The following ANKRD33B variants were observed in gnomAD, a reference collection of about 807,000 sequenced individuals.
ANKRD33B encodes the protein ankyrin repeat domain 33B, also known as ankyrin repeat domain-containing protein 33B.
A neutral mutation model predicts 21.5 loss-of-function variants in ANKRD33B; 6 were observed. The observed-to-expected ratio is 0.28, with a 90% confidence interval of 0.15 to 0.55. The LOEUF (loss-of-function observed/expected upper bound fraction) is 0.55. ANKRD33B is among the 20% of genes least tolerant of loss of function. The probability of loss-of-function intolerance (pLI) is 0.94; values close to 1 mark genes in which losing one functional copy is unlikely to be tolerated. For missense variants in ANKRD33B, 698 were observed against 747.2 expected, an observed-to-expected ratio of 0.93 and a Z score of 0.77; for synonymous variants, 347 against 342.4, an observed-to-expected ratio of 1.01 and a Z score of -0.15.
chr5:10,639,715 T>C (rs1736978469), intron 3 of ANKRD33B, among the ~76,000 whole-genome samples: 1 of 23,046 alleles, frequency 4.3e-5, no homozygotes, highest in Non-Finnish European at 7.1e-5. Flanking sequence ...TGCGCGGCGA[T>C]GTTAGCGGGT....
intron 1 of ANKRD33B, among the ~76,000 whole-genome samples, chr5:10,593,351 C>G (rs890583377): frequency 4.6e-5 from 7 of 152,002 alleles, no homozygotes; most frequent in African/African-American, 1.7e-4. Flanking sequence ...CAAAATAAAG[C>G]AAAAACCTGT....
At chr5:10,628,852 G>A (rs1038521721) in intron 2 of ANKRD33B, among the ~76,000 whole-genome samples, 2 of 152,132 alleles carry the variant, frequency 1.3e-5, no homozygotes, top group Non-Finnish European at 1.5e-5. Flanking sequence ...GGGGCACCAG[G>A]GAAGACCTGG....
intron 1 of ANKRD33B, among the ~76,000 whole-genome samples, chr5:10,616,079 C>G (rs1420492582): frequency 1.3e-5 from 2 of 152,152 alleles, no homozygotes; most frequent in Non-Finnish European, 2.9e-5. Context: ...GAGGCTTTAC[C>G]ATAGTCAACA....
At chr5:10,595,987 T>C (rs1441110488) in intron 1 of ANKRD33B, among the ~76,000 whole-genome samples, 1 of 152,186 alleles carries the variant, frequency 6.6e-6, no homozygotes, top group African/African-American at 2.4e-5. Flanking sequence ...CGCTGACTCA[T>C]AGGAAAGTTT....
chr5:10,618,511 G>A (rs539680535), intron 2 of ANKRD33B, 49 bp downstream of exon 2: 44 of 1,474,814 alleles, frequency 3.0e-5, no homozygotes, highest in African/African-American at 2.4e-4. Context: ...CCAGAGCACC[G>A]CCGCCGGGCA....
At chr5:10,648,070 C>G (rs1022351829) in intron 3 of ANKRD33B, among the ~76,000 whole-genome samples, 2 of 152,216 alleles carry the variant, frequency 1.3e-5, no homozygotes, top group Non-Finnish European at 2.9e-5. Context: ...CTTAGACCCT[C>G]TCTCTGTTAC....
chr5:10,577,417 C>G (rs956638329), intron 1 of ANKRD33B, among the ~76,000 whole-genome samples: 7 of 152,216 alleles, frequency 4.6e-5, no homozygotes, highest in African/African-American at 1.7e-4. Context: ...GCCACCGCGC[C>G]CGGCCGCCTT....
chr5:10,641,225 C>CTTTT lies in ANKRD33B; in HGVS notation c.637+3077_637+3080dup, dbSNP rs772445527. Among the ~76,000 whole-genome samples the CTTTT allele has an allele frequency of 6.9e-3, 533 of 77,428 alleles. 13 individuals carry two copies. The highest frequency in any genetic ancestry group is 0.02 in the African/African-American group (468 of 23,380). 50.8% of individuals were successfully genotyped at this position (77,428 alleles called of 152,430 possible). A position where few individuals can be genotyped will look rare whatever the true frequency, so the allele number is the denominator to read the frequency against. On this transcript the variant is annotated intron_variant, in intron 3 of 3. Coordinates refer to ENST00000296657, the MANE Select transcript of ANKRD33B (RefSeq NM_001164440.2). ...TGTCCCCAGTCTTCTTCTTCTTCTT[C>CTTTT]TTTTTTTTTTTTTTTTTTTTTTTGA...
At chr5:10,635,157 C>T (rs1225532797) in intron 2 of ANKRD33B, among the ~76,000 whole-genome samples, 1 of 152,168 alleles carries the variant, frequency 6.6e-6, no homozygotes, top group Non-Finnish European at 1.5e-5. Context: ...GTTCAAAGTG[C>T]TGAGGATATA....
chr5:10,626,826 G>A lies in ANKRD33B; in HGVS notation c.496+8364G>A, dbSNP rs573732671. Among the ~76,000 whole-genome samples the A allele has an allele frequency of 1.4e-4, 21 of 152,318 alleles. 1 individual carries two copies. Among genetic ancestry groups the A allele is most frequent in the South Asian group, 6.2e-4 (3 of 4,828 alleles). ...TTGCCATCTCACCAACCAGGGTTGC[G>A]TCACAAGCCCGTGCCAAACCAGTGA... is the stretch of plus-strand genomic sequence containing the variant. On this transcript the variant is annotated intron_variant, in intron 2 of 3. Coordinates refer to ENST00000296657, the MANE Select transcript of ANKRD33B (RefSeq NM_001164440.2).
intron 1 of ANKRD33B, among the ~76,000 whole-genome samples, chr5:10,591,283 C>T (rs1735685560): frequency 6.6e-6 from 1 of 150,638 alleles, no homozygotes; most frequent in Non-Finnish European, 1.5e-5. Flanking sequence ...ACCTCCCCCT[C>T]CCAGTTTCAA....
At chr5:10,638,879 G>A (rs1168373259) in intron 3 of ANKRD33B, among the ~76,000 whole-genome samples, 1 of 146,968 alleles carries the variant, frequency 6.8e-6, no homozygotes, top group African/African-American at 2.5e-5. Flanking sequence ...GCATGGTAAT[G>A]TTAGCGGGTG....
chr5:10,598,147 A>G (rs1218822283), intron 1 of ANKRD33B, among the ~76,000 whole-genome samples: 1 of 152,056 alleles, frequency 6.6e-6, no homozygotes, highest in South Asian at 2.1e-4. Context: ...TGACCACCCC[A>G]TTCAGTGGCG....
chr5:10,605,274 G>T (rs1736021090), intron 1 of ANKRD33B, among the ~76,000 whole-genome samples: 1 of 152,210 alleles, frequency 6.6e-6, no homozygotes, highest in Non-Finnish European at 1.5e-5. Context: ...GCCATATGGG[G>T]CCAGCCCTGA....
At chr5:10,574,492 T>G (rs1735273344) in intron 1 of ANKRD33B, among the ~76,000 whole-genome samples, 1 of 152,060 alleles carries the variant, frequency 6.6e-6, no homozygotes, top group Non-Finnish European at 1.5e-5. Flanking sequence ...AATAAAAATA[T>G]TACATATCAA....
rs1171986849 is a variant in ANKRD33B at position 10,657,755 on chromosome 5, G to A, written c.*7642G>A. On this transcript the variant is annotated 3_prime_UTR_variant, in exon 4 of 4. Coordinates refer to ENST00000296657, the MANE Select transcript of ANKRD33B (RefSeq NM_001164440.2). ...AATGTTTAAAAAATATGGAAAAAAGGGATAATGTAAAAATGTGGGAGAATT... is the reference window on the plus strand; with the variant it reads ...AATGTTTAAAAAATATGGAAAAAAGAGATAATGTAAAAATGTGGGAGAATT... 1 of 152,222 alleles carries A rather than the reference G, an allele frequency of 6.6e-6. No homozygotes were observed. The highest frequency in any genetic ancestry group is 2.4e-5 in the African/African-American group (1 of 41,418). 9.4% of individuals were successfully genotyped at this position (152,222 alleles called of 1,614,324 possible). A position where few individuals can be genotyped will look rare whatever the true frequency, so the allele number is the denominator to read the frequency against.
chr5:10,645,901 T>C (rs1737177926), intron 3 of ANKRD33B, among the ~76,000 whole-genome samples: 1 of 152,208 alleles, frequency 6.6e-6, no homozygotes, highest in Admixed American at 6.5e-5. Flanking sequence ...CCAGGGGACA[T>C]TTGGCCACGT....
chr5:10,601,359 C>T (rs770112304), intron 1 of ANKRD33B, among the ~76,000 whole-genome samples: 7 of 152,208 alleles, frequency 4.6e-5, no homozygotes, highest in East Asian at 3.9e-4. Flanking sequence ...GTCAGCTCCA[C>T]GCCTTTGCAC....
At chr5:10,633,489 GCCTCACACTGGTTC>G (rs1560982139) in intron 2 of ANKRD33B, among the ~76,000 whole-genome samples, 1 of 152,222 alleles carries the variant, frequency 6.6e-6, no homozygotes, top group East Asian at 1.9e-4. Flanking sequence ...ATGCCTGTGT[GCCTCACACTGGTTC>G]CCTCTGTTGT....
Sources: allele counts gnomAD v4.1 joint callset (sites outside exome capture counted in the v4.1 genomes callset), GRCh38; gene constraint gnomAD v4.1.1; transcripts MANE v1.5; gene names NCBI Gene and HGNC (gene_info 2026-07-23, HGNC 2026-07-21).